Variants in IGF2BP3 observed in about 807,000 individuals in gnomAD.
IGF2BP3 encodes the protein insulin like growth factor 2 mRNA binding protein 3, also known as insulin-like growth factor 2 mRNA-binding protein 3.
A neutral mutation model predicts 73.8 loss-of-function variants in IGF2BP3; 9 were observed. The ratio of observed to expected loss-of-function variants is 0.12; its 90% CI spans 0.07 to 0.21. The LOEUF is 0.21. IGF2BP3 is among the 10% of genes least tolerant of loss of function. The pLI, the probability that IGF2BP3 is intolerant of heterozygous loss-of-function variation, is 1.00. For synonymous variants in IGF2BP3, 258 were observed against 256.7 expected, an observed-to-expected ratio of 1.01 and a Z score of -0.05; for missense variants, 542 against 714.0, an observed-to-expected ratio of 0.76 and a Z score of 2.75.
rs1357930190 is a variant in IGF2BP3, at chr7:23,312,103, T to C, written c.*259A>G. Reference sequence around the variant, plus strand: ...TACAACAAAGGGAAGTGCAGAGCTCTTCTCTTTCCCTCCCTCCCCCACCCT... The same window carrying C: ...TACAACAAAGGGAAGTGCAGAGCTCCTCTCTTTCCCTCCCTCCCCCACCCT... On this transcript the variant is annotated 3_prime_UTR_variant, in exon 15 of 15. Coordinates refer to ENST00000258729, the MANE Select transcript of IGF2BP3 (RefSeq NM_006547.3). 2.1e-6 allele frequency: 1 copy of C among 468,366 alleles called. No homozygotes were observed. The highest frequency in any genetic ancestry group is 3.8e-6 in the Non-Finnish European group (1 of 264,202). 29.0% of individuals were successfully genotyped at this position (468,366 alleles called of 1,614,324 possible).
intron 2 of IGF2BP3, among the ~76,000 whole-genome samples, chr7:23,453,054 G>A (rs982307433): frequency 6.6e-6 from 1 of 152,122 alleles, no homozygotes; most frequent in Non-Finnish European, 1.5e-5. Flanking sequence ...AGGTTGTAGC[G>A]AGCAGAAAGG....
chr7:23,351,743 T>TC (rs1334278407), intron 5 of IGF2BP3, among the ~76,000 whole-genome samples, 157 bp from the exon 6 acceptor site: 1 of 151,332 alleles, frequency 6.6e-6, no homozygotes, highest in Non-Finnish European at 1.5e-5. Context: ...CACATAATCC[T>TC]CCCCTCTCCC....
intron 3 of IGF2BP3, among the ~76,000 whole-genome samples, chr7:23,380,574 T>C (rs540385911): frequency 6.6e-6 from 1 of 152,292 alleles, no homozygotes; most frequent in African/African-American, 2.4e-5. Context: ...ACTAACTACC[T>C]TTAAACTAGA....
At chr7:23,324,014 G>C (rs1353149481) in intron 10 of IGF2BP3, among the ~76,000 whole-genome samples, 1 of 152,034 alleles carries the variant, frequency 6.6e-6, no homozygotes, top group Non-Finnish European at 1.5e-5. Flanking sequence ...AAAAGACCTA[G>C]AAAAGCAAGA....
At chr7:23,323,374 C>T (rs1426010531) in intron 10 of IGF2BP3, among the ~76,000 whole-genome samples, 3 of 144,694 alleles carry the variant, frequency 2.1e-5, no homozygotes, top group Admixed American at 6.8e-5. Flanking sequence ...AGCTAACTAT[C>T]CTAAATATAT....
At chr7:23,398,254 A>C (rs1293930124) in intron 3 of IGF2BP3, among the ~76,000 whole-genome samples, 3 of 152,084 alleles carry the variant, frequency 2.0e-5, no homozygotes, top group Non-Finnish European at 4.4e-5. Context: ...ATCATTTTTT[A>C]TGGCTGCATA....
At chr7:23,449,551 TTTC>T (rs1788146552) in intron 2 of IGF2BP3, among the ~76,000 whole-genome samples, 2 of 126,380 alleles carry the variant, frequency 1.6e-5, no homozygotes, top group African/African-American at 5.8e-5. Context: ...CCTTTTTCTT[TTTC>T]TTTTTTTTTT....
chr7:23,315,114 T>A (rs1783947824), intron 12 of IGF2BP3, among the ~76,000 whole-genome samples: 1 of 151,348 alleles, frequency 6.6e-6, no homozygotes, highest in South Asian at 2.1e-4. Context: ...GCCTTTTATT[T>A]TTTTTTATTT....
chr7:23,467,181 G>A (rs1788584444), intron 2 of IGF2BP3, among the ~76,000 whole-genome samples: 1 of 152,120 alleles, frequency 6.6e-6, no homozygotes. Flanking sequence ...ATTTAAGTAT[G>A]AGAACAAGAA....
rs763019962 is a variant in IGF2BP3 at position 23,469,891 on chromosome 7, G to T, written c.175+45C>A. 2.0e-5 allele frequency: 30 copies of T among 1,482,168 alleles called. No homozygotes were observed. In the Admixed American group the frequency reaches 2.4e-4, roughly 12 times the overall value. The allele number at this position is 1,482,168 out of a possible 1,614,324, so 91.8% of individuals were successfully genotyped here. ...CACCCGGTGGGCCTGGGCGGGCGGT[G>T]CAGGGCTGGGGCGAGAGCCCGGGTG... On this transcript the variant is annotated intron_variant, in intron 1 of 14. Coordinates refer to ENST00000258729, the MANE Select transcript of IGF2BP3 (RefSeq NM_006547.3). This position sits in a 1 kb window ranked among gnomAD's most constrained non-coding sequence, Gnocchi z 6.1.
intron 3 of IGF2BP3, among the ~76,000 whole-genome samples, chr7:23,369,347 C>A (rs1231874529): frequency 2.0e-5 from 3 of 152,156 alleles, no homozygotes; most frequent in African/African-American, 7.2e-5. Context: ...TCAGATCACA[C>A]CTCCTGGCAT....
intron 3 of IGF2BP3, among the ~76,000 whole-genome samples, chr7:23,408,287 C>T (rs953527914): frequency 6.6e-6 from 1 of 152,042 alleles, no homozygotes; most frequent in Admixed American, 6.6e-5. Flanking sequence ...AAACTATGCC[C>T]ATTTGAATAC....
chr7:23,391,846 G>A (rs1203454027), intron 3 of IGF2BP3, among the ~76,000 whole-genome samples: 2 of 152,214 alleles, frequency 1.3e-5, no homozygotes, highest in African/African-American at 2.4e-5. Flanking sequence ...GAGGCAAGGA[G>A]AAGGAATGTT....
At chr7:23,447,722 C>T (rs998192537) in intron 2 of IGF2BP3, among the ~76,000 whole-genome samples, 3 of 152,138 alleles carry the variant, frequency 2.0e-5, no homozygotes, top group Non-Finnish European at 4.4e-5. Context: ...CCAGCAATCT[C>T]AGCACTTGGG....
At chr7:23,362,428 A>G (rs1394950735) in intron 3 of IGF2BP3, 1 of 152,260 alleles carries the variant, frequency 6.6e-6, no homozygotes, top group Non-Finnish European at 1.5e-5. Flanking sequence ...TTAAAGCCCA[A>G]CATAAATACA....
At position 23,448,642 on chromosome 7, in the gene IGF2BP3, T is replaced by C. The variant is rs564666470; in HGVS notation, c.236+19840A>G. On this transcript the variant is annotated intron_variant, in intron 2 of 14. Transcript: ENST00000258729. ...GTTTGTTTGTTTGTTTGTTTGTTTG[T>C]TTTTTTGAGGCAGAGTCTCGTTCTA... 1.3e-5 allele frequency among the ~76,000 whole-genome samples: 2 copies of C among 151,550 alleles called. 1 individual carries two copies. The highest frequency in any genetic ancestry group is 4.2e-4 in the South Asian group (2 of 4,736).
intron 3 of IGF2BP3, among the ~76,000 whole-genome samples, chr7:23,391,860 G>A (rs1786287591): frequency 6.6e-6 from 1 of 152,188 alleles, no homozygotes; most frequent in South Asian, 2.1e-4. Flanking sequence ...GAATGTTTCT[G>A]TTTTTACAAG....
intron 10 of IGF2BP3, among the ~76,000 whole-genome samples, chr7:23,338,586 A>C (rs1784632382): frequency 6.6e-6 from 1 of 152,160 alleles, no homozygotes; most frequent in Non-Finnish European, 1.5e-5. Context: ...GCTCCCACTG[A>C]GATTTTTATT....
At chr7:23,410,179 T>A (rs970091317) in intron 3 of IGF2BP3, among the ~76,000 whole-genome samples, 3 of 151,606 alleles carry the variant, frequency 2.0e-5, no homozygotes, top group Admixed American at 6.6e-5. Context: ...AAAATTTTTT[T>A]TAAAAATAAA....
Sources: gnomAD v4.1 joint callset for allele counts (sites outside exome capture counted in the v4.1 genomes callset) on GRCh38, gnomAD v4.1.1 for gene constraint, Gnocchi (gnomAD v3.1) non-coding constraint, MANE v1.5 for transcripts, NCBI Gene and HGNC (gene_info 2026-07-23, HGNC 2026-07-21) for gene names.